Variants in CECR2 observed in about 807,000 individuals in gnomAD.
CECR2 encodes CECR2 histone acetyl-lysine reader.
In CECR2, 30 loss-of-function variants were observed where a neutral mutation model predicts 154.5. That is an observed-to-expected ratio of 0.19 (90% CI 0.15 to 0.26). The LOEUF is 0.26. Ranked by LOEUF, CECR2 falls within the 10% of genes least tolerant of loss-of-function variation. The pLI is 1.00. For synonymous variants in CECR2, 725 were observed against 683.7 expected (o/e 1.06, Z -0.94); for missense variants, 1,743 against 1,829.3 (o/e 0.95, Z 0.86).
At chr22:17,364,519 T>C (rs1289007067), upstream of CECR2, among the ~76,000 whole-genome samples, 1 of 151,902 alleles carries the variant, frequency 6.6e-6, no homozygotes, top group Non-Finnish European at 1.5e-5. Context: ...GCAATTTAAA[T>C]AGAAGAGAGA....
At position 17,549,424 on chromosome 22, in the gene CECR2, GC is replaced by G; in HGVS notation, c.4140del (p.Asn1381ThrfsTer23). 1 of 1,613,354 alleles carries G rather than the reference GC, an allele frequency of 6.2e-7. No homozygotes were observed. The highest frequency in any genetic ancestry group is 8.5e-7 in the Non-Finnish European group (1 of 1,179,594). On this transcript the variant is annotated frameshift_variant, in exon 17 of 19. Transcript: ENST00000262608. LOFTEE classifies it high-confidence loss of function. ...LPPHHPGATQ[P>X]NGLSQEGPIY... ...CACCTCACCACCCAGGGGCCACCCA[GC>G]CCAACGGCCTCTCTCAGGAGGGTCC...
At chr22:17,459,598 G>A (rs1431061168) in intron 1 of CECR2, among the ~76,000 whole-genome samples, 1 of 152,154 alleles carries the variant, frequency 6.6e-6, no homozygotes, top group Admixed American at 6.5e-5. Flanking sequence ...ACAGGTGTGA[G>A]CCACAGCACC....
chr22:17,376,277 G>T (rs752863936), intron 1 of CECR2, among the ~76,000 whole-genome samples: 9 of 152,204 alleles, frequency 5.9e-5, no homozygotes, highest in Non-Finnish European at 8.8e-5. Flanking sequence ...TCACAGTTGG[G>T]ATCTTCTGCA....
At position 17,548,690 on chromosome 22, in the gene CECR2, A is replaced by G. The variant is rs762469533; in HGVS notation, c.3403A>G (p.Ile1135Val). Residue 1135 changes from isoleucine (I) to valine (V), a missense_variant, in exon 17 of 19, where the codon ATC becomes GTC. This residue lies in a region of CECR2 where 1,250 missense variants were observed against 1,192.1 expected (regional missense o/e 1.05). Transcript: ENST00000262608. ...CCCGAATTCAGCTGCCCATTACCAC[A>G]TCAGTCCAGGCCTGCAGGGTGTGGG... ...EYPNSAAHYH[I>V]SPGLQGVGPV... The G allele has an allele frequency of 3.1e-6, 5 of 1,613,488 alleles. No individual in the cohort carries two copies. The highest frequency in any genetic ancestry group is 3.4e-6 in the Non-Finnish European group (4 of 1,179,728).
rs1333196928 is a variant in CECR2, at chr22:17,451,100, G to A, written c.127-26488G>A. On this transcript the variant is annotated intron_variant, in intron 1 of 18. Transcript: ENST00000262608. ...GTTTACACATCCACCTCTGTGATTT[G>A]CCCCCTGCCAGCTTCATCTACCTGA... Among the ~76,000 whole-genome samples, 4 of 152,300 alleles carry A rather than the reference G, an allele frequency of 2.6e-5. No homozygotes were observed. The East Asian group carries it at 7.7e-4, about 29-fold the overall frequency.
intron 6 of CECR2, among the ~76,000 whole-genome samples, chr22:17,504,116 A>G (rs950571066): frequency 5.3e-5 from 8 of 151,416 alleles, no homozygotes; most frequent in Non-Finnish European, 1.5e-5. Context: ...TCACACCTGT[A>G]ATCCCAGCAC....
intron 1 of CECR2, among the ~76,000 whole-genome samples, chr22:17,421,998 G>A (rs1475184001): frequency 6.6e-6 from 1 of 151,608 alleles, no homozygotes; most frequent in Middle Eastern, 3.2e-3. Flanking sequence ...TAGGTTGGTG[G>A]GTTTTTTCTC....
intron 2 of CECR2, among the ~76,000 whole-genome samples, chr22:17,480,064 C>G (rs1414070927): frequency 6.6e-6 from 1 of 152,032 alleles, no homozygotes; most frequent in Non-Finnish European, 1.5e-5. Flanking sequence ...CTTGCCCCTA[C>G]AAGTATTTAT....
At chr22:17,437,781 G>A (rs2054528482) in intron 1 of CECR2, among the ~76,000 whole-genome samples, 1 of 152,162 alleles carries the variant, frequency 6.6e-6, no homozygotes, top group Non-Finnish European at 1.5e-5. Context: ...GAGCATCACT[G>A]CTTCTTAGCA....
intron 9 of CECR2, among the ~76,000 whole-genome samples, chr22:17,535,485 CTT>C (rs1414676503): frequency 6.6e-6 from 1 of 152,058 alleles, no homozygotes; most frequent in African/African-American, 2.4e-5. Flanking sequence ...TTTAAAATAA[CTT>C]TGTTGATACT....
intron 8 of CECR2, among the ~76,000 whole-genome samples, chr22:17,523,617 G>A (rs1281991655): frequency 1.3e-5 from 2 of 151,706 alleles, no homozygotes; most frequent in African/African-American, 2.4e-5. Context: ...TTAGCCGGGC[G>A]TGGTGGCAGG....
intron 1 of CECR2, among the ~76,000 whole-genome samples, chr22:17,475,385 C>T (rs1206256164): frequency 6.6e-6 from 1 of 152,160 alleles, no homozygotes; most frequent in Non-Finnish European, 1.5e-5. Flanking sequence ...TTCCACTCAG[C>T]TCTGTCACTG....
chr22:17,467,824 G>C (rs2055059506), intron 1 of CECR2, among the ~76,000 whole-genome samples: 2 of 152,094 alleles, frequency 1.3e-5, no homozygotes, highest in South Asian at 4.2e-4. Flanking sequence ...GACTAAACCA[G>C]TCCAAGGGAG....
intron 1 of CECR2, among the ~76,000 whole-genome samples, chr22:17,412,463 A>G (rs1416772609): frequency 6.6e-6 from 1 of 152,012 alleles, no homozygotes; most frequent in Non-Finnish European, 1.5e-5. Flanking sequence ...CTTGGCTCCC[A>G]TTCTTAGGGC....
rs769385186 is a variant in CECR2 at position 17,524,378 on chromosome 22, C to T, written c.1108+107C>T. ...TCCTGCCATGCATCCAAGTTGTTTC[C>T]GGCAATTTCTTTTTTTTTTTTTTTT... On this transcript the variant is annotated intron_variant, in intron 9 of 18. Coordinates refer to ENST00000262608, the MANE Select transcript of CECR2 (RefSeq NM_001290047.2). 87 of 848,158 alleles carry T rather than the reference C, an allele frequency of 1.0e-4. 2 individuals are homozygous for T. Among genetic ancestry groups the T allele is most frequent in the Non-Finnish European group, 1.3e-4 (77 of 589,960 alleles). The allele number at this position is 848,158 out of a possible 1,614,324, so 52.5% of individuals were successfully genotyped here. A position where few individuals can be genotyped will look rare whatever the true frequency, so the allele number is the denominator to read the frequency against.
At position 17,369,893 on chromosome 22, in the gene CECR2, C is replaced by G. The variant is rs2063034084; in HGVS notation, c.110C>G (p.Pro37Arg). The part of the protein sequence containing the change: ...CSLFRTAFRL[P>R]DFEIEELEAA... The stretch of plus-strand genomic sequence containing the variant: ...CTCTTTCGCACCGCGTTCCGCCTGC[C>G]CGACTTCGAGATCGAGGTGAGTGGC... Residue 37 changes from proline (P) to arginine (R), a missense_variant, in exon 1 of 19, where the codon CCC becomes CGC. By Grantham distance (103) the Pro-to-Arg change is moderately radical (BLOSUM62 -2). This residue lies in a region of CECR2 where 98 missense variants were observed against 169.3 expected (regional missense o/e 0.58). Coordinates refer to ENST00000262608, the MANE Select transcript of CECR2 (RefSeq NM_001290047.2). 6.6e-6 allele frequency: 1 copy of G among 151,198 alleles called. No homozygotes were observed. Among genetic ancestry groups the G allele is most frequent in the Non-Finnish European group, 1.5e-5 (1 of 67,746 alleles). The allele number at this position is 151,198 out of a possible 1,614,324, so 9.4% of individuals were successfully genotyped here.
At chr22:17,461,439 A>G (rs2054936154) in intron 1 of CECR2, among the ~76,000 whole-genome samples, 1 of 152,180 alleles carries the variant, frequency 6.6e-6, no homozygotes, top group South Asian at 2.1e-4. Flanking sequence ...TAGATACAAC[A>G]AACTCCCTAT....
At chr22:17,381,176 T>C (rs1457405638) in intron 1 of CECR2, among the ~76,000 whole-genome samples, 1 of 152,200 alleles carries the variant, frequency 6.6e-6, no homozygotes, top group Non-Finnish European at 1.5e-5. Flanking sequence ...TGGATTATTT[T>C]CCACTCTTAC....
chr22:17,437,956 G>T (rs1181608857), intron 1 of CECR2, among the ~76,000 whole-genome samples: 1 of 152,174 alleles, frequency 6.6e-6, no homozygotes, highest in Non-Finnish European at 1.5e-5. Context: ...TTCTTTTGTG[G>T]AGTAATAGAA....
Sources: allele counts gnomAD v4.1 joint callset (sites outside exome capture counted in the v4.1 genomes callset), GRCh38; gene constraint gnomAD v4.1.1; regional missense constraint gnomAD v4.1.1; transcripts MANE v1.5; gene names NCBI Gene and HGNC (gene_info 2026-07-23, HGNC 2026-07-21).